The following ROBO2 variants were observed in gnomAD, a reference collection of about 807,000 sequenced individuals.
ROBO2 encodes roundabout homolog 2.
Under a neutral mutation model 160.8 loss-of-function variants are expected in ROBO2, and 53 were observed. The ratio of observed to expected loss-of-function variants is 0.33; its 90% CI spans 0.26 to 0.41. The LOEUF (loss-of-function observed/expected upper bound fraction) is 0.41. ROBO2 is among the 10% of genes least tolerant of loss of function. The probability of loss-of-function intolerance (pLI) is 1.00; values close to 1 mark genes in which losing one functional copy is unlikely to be tolerated. For missense variants in ROBO2, 1,577 were observed against 1,722.4 expected (o/e 0.92, Z 1.49); for synonymous variants, 664 against 611.7 (o/e 1.09, Z -1.26).
chr3:77,388,579 T>C (rs1352342133), intron 2 of ROBO2, among the ~76,000 whole-genome samples: 1 of 152,216 alleles, frequency 6.6e-6, no homozygotes, highest in African/African-American at 2.4e-5. Flanking sequence ...GGCATCCTTA[T>C]TGTAATTTTC....
chr3:75,933,732 T>A (rs970661528), intron 1 of ROBO2, among the ~76,000 whole-genome samples: 3 of 152,128 alleles, frequency 2.0e-5, no homozygotes, highest in African/African-American at 7.2e-5. Context: ...ATCTAGAAGA[T>A]CCACATGACG....
At chr3:77,118,414 A>C (rs2074413483) in intron 2 of ROBO2, among the ~76,000 whole-genome samples, 1 of 152,204 alleles carries the variant, frequency 6.6e-6, no homozygotes, top group African/African-American at 2.4e-5. Flanking sequence ...AGCCATTGTA[A>C]CATTTTTTCC....
At chr3:76,780,589 A>AT (rs1308299361) in intron 2 of ROBO2, among the ~76,000 whole-genome samples, 1 of 150,830 alleles carries the variant, frequency 6.6e-6, no homozygotes, top group Non-Finnish European at 1.5e-5. Flanking sequence ...TCTTTCATCC[A>AT]TTTTGAGTTG....
At chr3:76,797,504 A>G (rs2108800480) in intron 2 of ROBO2, among the ~76,000 whole-genome samples, 1 of 152,144 alleles carries the variant, frequency 6.6e-6, no homozygotes, top group South Asian at 2.1e-4. Flanking sequence ...TAAAATAAAC[A>G]ACCTAACATC....
At chr3:76,165,948 T>C (rs2072821152) in intron 2 of ROBO2, among the ~76,000 whole-genome samples, 1 of 152,156 alleles carries the variant, frequency 6.6e-6, no homozygotes, top group African/African-American at 2.4e-5. Context: ...TGCTGTCTTA[T>C]AGGGAGTGGT....
intron 2 of ROBO2, among the ~76,000 whole-genome samples, chr3:76,954,879 C>G (rs1380012613): frequency 6.6e-5 from 10 of 152,016 alleles, no homozygotes; most frequent in Non-Finnish European, 2.9e-5. Flanking sequence ...ATATATAGAA[C>G]ATCCTTTCAA....
Position 77,098,339 on chromosome 3 carries a change from A to G in ROBO2, c.387A>G (p.Ala129=), listed in dbSNP as rs757029311. 7 of 1,613,968 alleles carry G rather than the reference A, an allele frequency of 4.3e-6. No homozygotes were observed. The African/African-American group carries it at 8.0e-5, about 18-fold the overall frequency. The change falls in exon 2 of 26, where the codon GCA becomes GCG. Residue 129 remains alanine (A), a splice_region_variant and synonymous_variant. Transcript: ENST00000461745. ...GTCGAAATGCGTCTCTGGAAGTGGC[A>G]TGTAAGTGAACATAATGAACCTCAT... is the stretch of plus-strand genomic sequence containing the variant.
intron 2 of ROBO2, among the ~76,000 whole-genome samples, chr3:76,781,185 G>T (rs1179158043): frequency 2.0e-5 from 3 of 150,530 alleles, no homozygotes; most frequent in Non-Finnish European, 4.5e-5. Context: ...TATTATAAAT[G>T]GGAATGTTTT....
intron 2 of ROBO2, among the ~76,000 whole-genome samples, chr3:77,102,255 A>G (rs1234339450): frequency 1.3e-5 from 2 of 151,684 alleles, no homozygotes; most frequent in Non-Finnish European, 2.9e-5. Context: ...CAACCTCTGC[A>G]TTACTGACAT....
chr3:77,635,761 G>A (rs1008896386), intron 24 of ROBO2, among the ~76,000 whole-genome samples: 2 of 152,126 alleles, frequency 1.3e-5, no homozygotes, highest in African/African-American at 4.8e-5. Flanking sequence ...ATCTATGTTC[G>A]TGTAAATATA....
intron 2 of ROBO2, among the ~76,000 whole-genome samples, chr3:76,783,977 T>G (rs1041526746): frequency 6.6e-6 from 1 of 151,012 alleles, no homozygotes; most frequent in Non-Finnish European, 1.5e-5. Context: ...TTCACTGACT[T>G]TTTTTTCTAC....
intron 2 of ROBO2, among the ~76,000 whole-genome samples, chr3:77,283,462 A>G (rs1035033637): frequency 6.6e-6 from 1 of 152,236 alleles, no homozygotes; most frequent in African/African-American, 2.4e-5. Context: ...CAAAGATGAC[A>G]AAGCTTTTCT....
chr3:76,661,690 A>T (rs2091828205), intron 2 of ROBO2, among the ~76,000 whole-genome samples: 1 of 152,156 alleles, frequency 6.6e-6, no homozygotes. Context: ...TAGGGTTAAG[A>T]TAAGGGGGAT....
intron 5 of ROBO2, among the ~76,000 whole-genome samples, chr3:77,499,297 C>A (rs894993966): frequency 6.6e-6 from 1 of 152,280 alleles, no homozygotes; most frequent in African/African-American, 2.4e-5. Flanking sequence ...GTTTTACATC[C>A]TGAAAATATG....
chr3:76,662,658 T>G (rs1192263941), intron 2 of ROBO2, among the ~76,000 whole-genome samples: 1 of 152,158 alleles, frequency 6.6e-6, no homozygotes, highest in Non-Finnish European at 1.5e-5. Flanking sequence ...TAATATCTCA[T>G]CTAGACTTAA....
intron 17 of ROBO2, among the ~76,000 whole-genome samples, chr3:77,591,907 A>C (rs1398494688): frequency 2.6e-5 from 4 of 152,200 alleles, no homozygotes; most frequent in Non-Finnish European, 5.9e-5. Context: ...ACACAGACAC[A>C]CAAAATGCTG....
At chr3:76,605,505 A>G (rs1299761486) in intron 2 of ROBO2, among the ~76,000 whole-genome samples, 1 of 152,160 alleles carries the variant, frequency 6.6e-6, no homozygotes, top group African/African-American at 2.4e-5. Context: ...AAAGCCCTAG[A>G]ATTTCTAGTT....
chr3:77,594,246 T>C (rs573656419), intron 17 of ROBO2, among the ~76,000 whole-genome samples: 1 of 152,356 alleles, frequency 6.6e-6, no homozygotes, highest in African/African-American at 2.4e-5. Flanking sequence ...AGAACCTCTT[T>C]GTAATATGCA....
intron 2 of ROBO2, among the ~76,000 whole-genome samples, chr3:76,443,281 T>C (rs572605144): frequency 7.2e-5 from 11 of 152,122 alleles, no homozygotes; most frequent in African/African-American, 1.4e-4. Flanking sequence ...ACCTCCAACA[T>C]TGGAGATCAC....
Sources: gnomAD v4.1 joint callset for allele counts (sites outside exome capture counted in the v4.1 genomes callset) on GRCh38, gnomAD v4.1.1 for gene constraint, MANE v1.5 for transcripts, NCBI Gene and HGNC (gene_info 2026-07-23, HGNC 2026-07-21) for gene names.